INPP5A: variants seen among roughly 807,000 people sequenced by gnomAD.
INPP5A encodes 43 kDa inositol polyphosphate 5-phophatase.
INPP5A carries 14 observed loss-of-function variants against 65.2 expected under a neutral mutation model. The ratio of observed to expected loss-of-function variants is 0.21; its 90% CI spans 0.14 to 0.34. INPP5A has a LOEUF of 0.34. INPP5A is among the 10% of genes least tolerant of loss of function. The pLI is 1.00. For synonymous variants in INPP5A, 207 were observed against 208.3 expected (o/e 0.99, Z 0.05); for missense variants, 431 against 545.6 (o/e 0.79, Z 2.09).
chr10:132,730,702 G>A (rs564007029), intron 9 of INPP5A, among the ~76,000 whole-genome samples: 168 of 152,320 alleles, frequency 1.1e-3, no homozygotes, highest in Non-Finnish European at 2.2e-3. Context: ...AAGCAGGAAC[G>A]TGGCAGAGCT....
intron 9 of INPP5A, among the ~76,000 whole-genome samples, chr10:132,728,635 A>G (rs1266947815): frequency 1.3e-5 from 2 of 152,222 alleles, no homozygotes; most frequent in African/African-American, 4.8e-5. Flanking sequence ...TCTGACTGGG[A>G]GGGGCCAGGA....
chr10:132,711,176 C>T (rs1311191491), intron 8 of INPP5A, among the ~76,000 whole-genome samples: 1 of 152,192 alleles, frequency 6.6e-6, no homozygotes, highest in Non-Finnish European at 1.5e-5. Flanking sequence ...GCGTGGGGGC[C>T]ACCTCCACCT....
intron 6 of INPP5A, among the ~76,000 whole-genome samples, chr10:132,700,105 G>A (rs1423542129): frequency 6.6e-6 from 1 of 152,246 alleles, no homozygotes; most frequent in Admixed American, 6.5e-5. Flanking sequence ...GGCCCGGTTT[G>A]TATAGAAACC....
intron 1 of INPP5A, among the ~76,000 whole-genome samples, chr10:132,586,119 G>C (rs547984551): frequency 6.6e-6 from 1 of 152,104 alleles, no homozygotes; most frequent in Non-Finnish European, 1.5e-5. Flanking sequence ...CTGGAGACCC[G>C]GGCAGAGACT....
At chr10:132,712,354 TGTGTGTTC>T (rs1399627831) in intron 8 of INPP5A, among the ~76,000 whole-genome samples, 1 of 151,084 alleles carries the variant, frequency 6.6e-6, no homozygotes, top group African/African-American at 2.5e-5. Context: ...CATCTGCGTG[TGTGTGTTC>T]GTGTGTGCAT....
chr10:132,598,713 G>A (rs2071740398), intron 1 of INPP5A, among the ~76,000 whole-genome samples: 1 of 152,192 alleles, frequency 6.6e-6, no homozygotes, highest in Non-Finnish European at 1.5e-5. Context: ...TTTGGGAATT[G>A]TATTAGTTCA....
intron 2 of INPP5A, among the ~76,000 whole-genome samples, chr10:132,625,488 A>G (rs2072170574): frequency 6.6e-6 from 1 of 152,164 alleles, no homozygotes; most frequent in Middle Eastern, 3.2e-3. Context: ...GAGGTGCAGG[A>G]AAAACCAGCT....
chr10:132,542,843 A>G (rs2070923829), intron 1 of INPP5A, among the ~76,000 whole-genome samples: 1 of 152,102 alleles, frequency 6.6e-6, no homozygotes, highest in Admixed American at 6.5e-5. Flanking sequence ...TCATTCTGTC[A>G]CCCAGGCTGG....
intron 1 of INPP5A, among the ~76,000 whole-genome samples, chr10:132,560,676 T>C (rs570448187): frequency 6.6e-6 from 1 of 152,304 alleles, no homozygotes; most frequent in East Asian, 1.9e-4. Context: ...GATAGCTCAC[T>C]GCAGCCTCCT....
intron 1 of INPP5A, among the ~76,000 whole-genome samples, chr10:132,592,780 G>A (rs1029138572): frequency 2.0e-5 from 3 of 152,238 alleles, no homozygotes; most frequent in African/African-American, 4.8e-5. Context: ...GCACACGCAG[G>A]ACTTTCTGTG....
intron 4 of INPP5A, among the ~76,000 whole-genome samples, chr10:132,668,664 T>C (rs1171078353): frequency 6.6e-6 from 1 of 152,200 alleles, no homozygotes; most frequent in East Asian, 1.9e-4. Context: ...AACATGAATT[T>C]GCACAGGGAG....
At chr10:132,606,248 C>A (rs895252734) in intron 1 of INPP5A, among the ~76,000 whole-genome samples, 1 of 149,356 alleles carries the variant, frequency 6.7e-6, no homozygotes, top group Non-Finnish European at 1.5e-5. Context: ...GGCGGGACAG[C>A]GGCGTGGGTC....
chr10:132,774,225 A>G (rs967616086), intron 12 of INPP5A, among the ~76,000 whole-genome samples: 2 of 152,208 alleles, frequency 1.3e-5, no homozygotes, highest in Non-Finnish European at 2.9e-5. Flanking sequence ...GTCTGAAGCC[A>G]GCATTGCCAG....
At chr10:132,763,024 G>A (rs1846761678) in intron 11 of INPP5A, among the ~76,000 whole-genome samples, 1 of 152,174 alleles carries the variant, frequency 6.6e-6, no homozygotes, top group East Asian at 1.9e-4. Flanking sequence ...CCATACTTGG[G>A]ATTCTTGAAA....
chr10:132,767,073 C>T (rs1590999271), intron 12 of INPP5A, among the ~76,000 whole-genome samples: 3 of 128,052 alleles, frequency 2.3e-5, no homozygotes, highest in African/African-American at 3.0e-5. Context: ...AGGATGCGGC[C>T]TCAGGGAGCT....
chr10:132,561,681 C>A (rs751627544), intron 1 of INPP5A, among the ~76,000 whole-genome samples: 8 of 150,734 alleles, frequency 5.3e-5, no homozygotes, highest in Non-Finnish European at 1.0e-4. Context: ...TTCTGGTGTC[C>A]TTCCATTTCT....
chr10:132,714,275 G>A (rs1010355484), intron 8 of INPP5A, among the ~76,000 whole-genome samples: 2 of 152,186 alleles, frequency 1.3e-5, no homozygotes, highest in African/African-American at 4.8e-5. Context: ...GGACCTCCGC[G>A]GCGTGGGGCG....
At chr10:132,597,785 G>A (rs551298607) in intron 1 of INPP5A, among the ~76,000 whole-genome samples, 2 of 150,844 alleles carry the variant, frequency 1.3e-5, no homozygotes, top group South Asian at 2.1e-4. Context: ...CCTGTGGTGC[G>A]TGTTCCGGGG....
intron 11 of INPP5A, among the ~76,000 whole-genome samples, chr10:132,763,969 C>T (rs1846784508): frequency 1.3e-5 from 2 of 152,282 alleles, no homozygotes; most frequent in South Asian, 2.1e-4. Context: ...CATCCGTCTC[C>T]CGAGGCCTCC....
Sources: allele counts gnomAD v4.1 joint callset (sites outside exome capture counted in the v4.1 genomes callset), GRCh38; gene constraint gnomAD v4.1.1; transcripts MANE v1.5; gene names NCBI Gene and HGNC (gene_info 2026-07-23, HGNC 2026-07-21).